Variants in DLG2 observed in about 807,000 individuals in gnomAD.
The protein encoded by DLG2 is discs large MAGUK scaffold protein 2, also known as disks large homolog 2.
DLG2 carries 45 observed loss-of-function variants against 132.5 expected under a neutral mutation model. The ratio of observed to expected loss-of-function variants is 0.34; its 90% CI spans 0.27 to 0.44. The LOEUF is 0.44. Ranked by LOEUF, DLG2 falls within the 20% of genes least tolerant of loss-of-function variation. The pLI, the probability that DLG2 is intolerant of heterozygous loss-of-function variation, is 1.00. For synonymous variants in DLG2, 424 were observed against 419.6 expected (o/e 1.01, Z -0.13); for missense variants, 1,045 against 1,196.9 (o/e 0.87, Z 1.87).
In DLG2 at chr11:83,541,758, C is replaced by T. The variant is rs371177505; in HGVS notation, c.2041G>A (p.Asp681Asn). 6.2e-6 allele frequency: 10 copies of T among 1,613,322 alleles called. No individual in the cohort carries two copies. The highest frequency in any genetic ancestry group is 1.3e-5 in the African/African-American group (1 of 74,884). The change falls in exon 20 of 28, where the codon GAT (aspartate) becomes AAT (asparagine). Residue 681 changes from aspartate to asparagine, a missense_variant. Physicochemically the swap from Asp to Asn is conservative, Grantham distance 23. Around this residue, in one of 4 missense-constraint regions of DLG2, gnomAD observed 398 missense variants for 543.6 expected, o/e 0.73. Coordinates refer to ENST00000376104, the MANE Select transcript of DLG2 (RefSeq NM_001142699.3). ...ACTCTCCTGGCTTGCCACCACTCAT[C>T]ATCAGAGGCATTGATAACGTGGAGA... Reference protein sequence around the residue: ...DILHVINASDDEWWQARRVML... With the variant: ...DILHVINASDNEWWQARRVML...
chr11:83,753,755 ATG>A, intron 18 of DLG2, among the ~76,000 whole-genome samples: 1 of 139,564 alleles, frequency 7.2e-6, no homozygotes, highest in Non-Finnish European at 1.5e-5. Context: ...TATTTCATAT[ATG>A]TAATATATAT....
At chr11:83,714,638 G>A (rs551084383) in intron 18 of DLG2, among the ~76,000 whole-genome samples, 1 of 152,306 alleles carries the variant, frequency 6.6e-6, no homozygotes, top group South Asian at 2.1e-4. Flanking sequence ...TTCTAAAGCT[G>A]CTGGATACAG....
At chr11:85,002,814 A>G (rs2058330281) in intron 6 of DLG2, among the ~76,000 whole-genome samples, 1 of 151,856 alleles carries the variant, frequency 6.6e-6, no homozygotes, top group Non-Finnish European at 1.5e-5. Context: ...CACCTCTGAG[A>G]TAGCAAGACC....
intron 7 of DLG2, among the ~76,000 whole-genome samples, chr11:84,369,544 C>A (rs557914766): frequency 6.6e-6 from 1 of 151,880 alleles, no homozygotes; most frequent in Non-Finnish European, 1.5e-5. Flanking sequence ...GGAGATGGGG[C>A]GGGCAGACAT....
intron 6 of DLG2, among the ~76,000 whole-genome samples, chr11:84,991,289 C>T (rs2057073090): frequency 6.6e-6 from 1 of 151,928 alleles, no homozygotes; most frequent in Non-Finnish European, 1.5e-5. Context: ...GCGGGAGGAT[C>T]GCTTGAGCCC....
rs552268497 is a variant in DLG2 at position 85,098,660 on chromosome 11, G to A, written c.357+13001C>T. Among the ~76,000 whole-genome samples the A allele has an allele frequency of 3.9e-5, 6 of 152,192 alleles. No individual in the cohort carries two copies. The South Asian group carries it at 1.2e-3, about 32-fold the overall frequency. On this transcript the variant is annotated intron_variant, in intron 6 of 27. Coordinates refer to ENST00000376104, the MANE Select transcript of DLG2 (RefSeq NM_001142699.3). ...AAAGTATTAGCATCTTTAAAGAGAG[G>A]ATATATTTAAATGTGATTACATTAT...
At chr11:84,376,185 C>G (rs915584091) in intron 7 of DLG2, among the ~76,000 whole-genome samples, 4 of 151,814 alleles carry the variant, frequency 2.6e-5, no homozygotes, top group Non-Finnish European at 5.9e-5. Context: ...CTCTCTCTCT[C>G]TTTTTAATTC....
chr11:85,267,032 T>C (rs2077255510), intron 4 of DLG2, among the ~76,000 whole-genome samples: 1 of 152,194 alleles, frequency 6.6e-6, no homozygotes, highest in Non-Finnish European at 1.5e-5. Context: ...ATCTCTACTT[T>C]AGGATTTTGC....
At chr11:83,603,256 T>A (rs1002466665) in intron 19 of DLG2, among the ~76,000 whole-genome samples, 3 of 152,194 alleles carry the variant, frequency 2.0e-5, no homozygotes, top group African/African-American at 7.2e-5. Context: ...TTTTATATAA[T>A]TTCCTTCCTA....
intron 4 of DLG2, among the ~76,000 whole-genome samples, chr11:85,211,638 A>C (rs969351350): frequency 2.6e-5 from 4 of 152,110 alleles, no homozygotes; most frequent in Non-Finnish European, 5.9e-5. Context: ...TGCCCTAGGA[A>C]AACAATCTGT....
chr11:83,461,155 C>G (rs1188327259), intron 27 of DLG2, among the ~76,000 whole-genome samples: 2 of 151,880 alleles, frequency 1.3e-5, no homozygotes, highest in South Asian at 4.2e-4. Flanking sequence ...ATTACAGGTG[C>G]CTGCCACCAC....
intron 7 of DLG2, among the ~76,000 whole-genome samples, chr11:84,468,738 G>A (rs891043438): frequency 1.3e-5 from 2 of 151,568 alleles, no homozygotes; most frequent in African/African-American, 4.8e-5. Context: ...TACCAAGTAG[G>A]TACTAGAATA....
chr11:84,248,869 G>A (rs182173980), intron 8 of DLG2, among the ~76,000 whole-genome samples: 63 of 152,238 alleles, frequency 4.1e-4, no homozygotes, highest in African/African-American at 1.4e-3. Flanking sequence ...GCAAGACTCT[G>A]TCTCAACAGC....
At chr11:84,367,227 C>A (rs1483882830) in intron 7 of DLG2, among the ~76,000 whole-genome samples, 1 of 152,086 alleles carries the variant, frequency 6.6e-6, no homozygotes, top group East Asian at 1.9e-4. Context: ...AGTCGAGGAC[C>A]AGCAAAGTTT....
chr11:84,328,073 T>G (rs1430847059), intron 7 of DLG2, among the ~76,000 whole-genome samples: 1 of 152,200 alleles, frequency 6.6e-6, no homozygotes, highest in Non-Finnish European at 1.5e-5. Flanking sequence ...TCTTTCCTGG[T>G]TGCCAAAAGC....
intron 4 of DLG2, among the ~76,000 whole-genome samples, chr11:85,280,348 T>C (rs563816805): frequency 6.6e-6 from 1 of 152,184 alleles, no homozygotes; most frequent in South Asian, 2.1e-4. Context: ...TATTATTACT[T>C]TGACATTTTA....
intron 9 of DLG2, among the ~76,000 whole-genome samples, chr11:84,145,146 T>C (rs1391709547): frequency 6.6e-6 from 1 of 152,186 alleles, no homozygotes; most frequent in African/African-American, 2.4e-5. Flanking sequence ...ACATTCAACT[T>C]GGGGATACAG....
chr11:84,791,699 T>C (rs2073869514), intron 6 of DLG2, among the ~76,000 whole-genome samples: 1 of 152,234 alleles, frequency 6.6e-6, no homozygotes, highest in Non-Finnish European at 1.5e-5. Flanking sequence ...TTATGGCTAC[T>C]ACAAATGGGA....
At chr11:85,430,694 T>C (rs1284678202) in intron 3 of DLG2, among the ~76,000 whole-genome samples, 2 of 152,184 alleles carry the variant, frequency 1.3e-5, no homozygotes, top group Non-Finnish European at 2.9e-5. Flanking sequence ...ACAGGGTTTA[T>C]GTTTGTAATT....
Sources: gnomAD v4.1 joint callset for allele counts (sites outside exome capture counted in the v4.1 genomes callset) on GRCh38, gnomAD v4.1.1 for gene constraint, gnomAD v4.1.1 regional missense constraint, MANE v1.5 for transcripts, NCBI Gene and HGNC (gene_info 2026-07-23, HGNC 2026-07-21) for gene names.